Variants in GPC6 observed in about 807,000 individuals in gnomAD.
The protein encoded by GPC6 is glypican-6.
A neutral mutation model predicts 55.2 loss-of-function variants in GPC6; 14 were observed. That is an observed-to-expected ratio of 0.25 (90% CI 0.17 to 0.40). GPC6 has a LOEUF of 0.40. Ranked by LOEUF, GPC6 falls within the 10% of genes least tolerant of loss-of-function variation. GPC6 has a pLI of 1.00. For synonymous variants in GPC6, 278 were observed against 259.6 expected (o/e 1.07, Z -0.68); for missense variants, 641 against 708.5 (o/e 0.90, Z 1.08).
At chr13:93,614,679 T>A (rs1028490459) in intron 2 of GPC6, among the ~76,000 whole-genome samples, 4 of 152,294 alleles carry the variant, frequency 2.6e-5, no homozygotes, top group African/African-American at 7.2e-5. Flanking sequence ...TCAAATTATA[T>A]AATTGTTTGA....
intron 4 of GPC6, among the ~76,000 whole-genome samples, chr13:94,198,179 T>G (rs1219611907): frequency 6.6e-6 from 1 of 152,130 alleles, no homozygotes; most frequent in Non-Finnish European, 1.5e-5. Context: ...TCATCCTAGA[T>G]CTAACAGCTT....
rs1343681852 is a variant in GPC6, at chr13:93,912,525, C to T, written c.711+81980C>T. ...TTGGGAGGCCAAGGCGGGCGGATCA[C>T]AAGGTCAGGAGATCGAGACCATCCT... On this transcript the variant is annotated intron_variant, in intron 3 of 8. Transcript: ENST00000377047. Among the ~76,000 whole-genome samples the T allele has an allele frequency of 9.9e-5, 15 of 152,182 alleles. No individual in the cohort carries two copies. In the East Asian group the frequency reaches 1.2e-3, roughly 12 times the overall value.
chr13:94,327,355 C>CCCCTTTGTGGG (rs1232205719), intron 6 of GPC6, among the ~76,000 whole-genome samples: 34 of 152,098 alleles, frequency 2.2e-4, no homozygotes, highest in Non-Finnish European at 4.3e-4. Flanking sequence ...TTTCTCTTCT[C>CCCCTTTGTGGG]CCTTTTGTGG....
At chr13:93,775,798 G>A (rs4622388) in intron 2 of GPC6, among the ~76,000 whole-genome samples, 146,418 of 152,172 alleles carry the variant, frequency 0.96, 70,475 homozygotes, top group African/African-American at 0.98. Context: ...GCAGAAGTTG[G>A]CGAATGTCGT....
intron 4 of GPC6, among the ~76,000 whole-genome samples, chr13:94,126,584 T>C (rs2138860152): frequency 6.6e-6 from 1 of 152,252 alleles, no homozygotes; most frequent in African/African-American, 2.4e-5. Flanking sequence ...TTTATCAAAT[T>C]ATTTCCATGC....
intron 1 of GPC6, among the ~76,000 whole-genome samples, chr13:93,348,803 T>C (rs968026107): frequency 1.3e-5 from 2 of 152,222 alleles, no homozygotes; most frequent in African/African-American, 4.8e-5. Context: ...CATACAAATT[T>C]AATGAATAGA....
intron 3 of GPC6, among the ~76,000 whole-genome samples, chr13:93,873,177 C>CTGTT (rs1889183630): frequency 6.6e-6 from 1 of 151,494 alleles, no homozygotes; most frequent in Admixed American, 6.6e-5. Flanking sequence ...AGTCACTGAA[C>CTGTT]TGTTTACTGT....
At chr13:93,405,411 C>A (rs910723452) in intron 1 of GPC6, among the ~76,000 whole-genome samples, 1 of 152,190 alleles carries the variant, frequency 6.6e-6, no homozygotes, top group East Asian at 1.9e-4. Context: ...TAGCTCACTG[C>A]AGTATTAGAG....
chr13:94,124,925 C>G (rs1886754041), intron 4 of GPC6, among the ~76,000 whole-genome samples: 1 of 152,104 alleles, frequency 6.6e-6, no homozygotes, highest in Non-Finnish European at 1.5e-5. Context: ...AGAAACTGTA[C>G]TTTGCCAGGC....
At chr13:93,467,991 T>G (rs1878976671) in intron 1 of GPC6, among the ~76,000 whole-genome samples, 1 of 152,120 alleles carries the variant, frequency 6.6e-6, no homozygotes, top group South Asian at 2.1e-4. Flanking sequence ...TGAAAACTCT[T>G]GGGTAGAGTC....
At chr13:93,475,996 T>C (rs1879289551) in intron 1 of GPC6, among the ~76,000 whole-genome samples, 1 of 152,166 alleles carries the variant, frequency 6.6e-6, no homozygotes, top group African/African-American at 2.4e-5. Context: ...TCCCTGTTCA[T>C]GTCCTCTTAA....
intron 3 of GPC6, among the ~76,000 whole-genome samples, chr13:93,843,672 T>C (rs568899763): frequency 1.4e-4 from 21 of 152,308 alleles, no homozygotes; most frequent in African/African-American, 5.1e-4. Flanking sequence ...TACAGTTTCT[T>C]GGAAGATAAA....
At position 93,308,232 on chromosome 13, in the gene GPC6, C is replaced by T. The variant is rs182816932; in HGVS notation, c.160+80616C>T. 2.6e-4 allele frequency among the ~76,000 whole-genome samples: 40 copies of T among 152,186 alleles called. 1 individual carries two copies. The highest frequency in any genetic ancestry group is 6.5e-4 in the Admixed American group (10 of 15,282). ...CCCGGGAGGCAGAGCTTGCAGTGAG[C>T]CGAGATTGCGCTACTGCACTCCAGC... On this transcript the variant is annotated intron_variant, in intron 1 of 8. Coordinates refer to ENST00000377047, the MANE Select transcript of GPC6 (RefSeq NM_005708.5).
At chr13:93,922,100 TGAA>T (rs757388305) in intron 3 of GPC6, among the ~76,000 whole-genome samples, 6 of 151,876 alleles carry the variant, frequency 4.0e-5, no homozygotes, top group Non-Finnish European at 5.9e-5. Flanking sequence ...AAGAAAAAAA[TGAA>T]GAAGAAAGAG....
intron 4 of GPC6, among the ~76,000 whole-genome samples, chr13:94,267,158 C>CAG (rs1891844459): frequency 6.6e-6 from 1 of 151,974 alleles, no homozygotes; most frequent in South Asian, 2.1e-4. Flanking sequence ...GTGTATGGGC[C>CAG]AGGGGTGCAG....
chr13:93,425,756 C>A (rs1222935169), intron 1 of GPC6, among the ~76,000 whole-genome samples: 8 of 152,114 alleles, frequency 5.3e-5, no homozygotes, highest in Admixed American at 4.6e-4. Context: ...GGCATAAATT[C>A]CAAACTTCAC....
intron 1 of GPC6, among the ~76,000 whole-genome samples, chr13:93,274,751 C>T (rs373466810): frequency 7.2e-5 from 11 of 152,174 alleles, no homozygotes; most frequent in Middle Eastern, 3.4e-3. Context: ...ATATCGCTTT[C>T]GTAAATATAG....
At chr13:93,691,678 C>G (rs998859751) in intron 2 of GPC6, among the ~76,000 whole-genome samples, 1 of 151,912 alleles carries the variant, frequency 6.6e-6, no homozygotes, top group African/African-American at 2.4e-5. Context: ...TTATACAACT[C>G]TTGGTTTTAT....
intron 1 of GPC6, among the ~76,000 whole-genome samples, chr13:93,374,116 G>T (rs1874787704): frequency 6.6e-6 from 1 of 152,136 alleles, no homozygotes; most frequent in Admixed American, 6.6e-5. Flanking sequence ...TTCTGATTCA[G>T]TGGGTCCAAG....
Sources: gnomAD v4.1 joint callset for allele counts (sites outside exome capture counted in the v4.1 genomes callset) on GRCh38, gnomAD v4.1.1 for gene constraint, MANE v1.5 for transcripts, NCBI Gene and HGNC (gene_info 2026-07-23, HGNC 2026-07-21) for gene names.